ZNF814: variants seen among roughly 807,000 people sequenced by gnomAD.
ZNF814 encodes zinc finger protein 814.
In ZNF814, 5 loss-of-function variants were observed where a neutral mutation model predicts 7.5. That is an observed-to-expected ratio of 0.67 (90% confidence interval 0.35 to 1.40). The LOEUF is 1.40. ZNF814 is among the 40% of genes most tolerant of loss of function. ZNF814 has a pLI of 0.04. For synonymous variants in ZNF814, 315 were observed against 340.7 expected, an observed-to-expected ratio of 0.92 and a Z score of 0.83; for missense variants, 962 against 1,018.0, an observed-to-expected ratio of 0.94 and a Z score of 0.75.
chr19:57,874,211 A>T lies in ZNF814; in HGVS notation c.1179T>A (p.Ala393=), dbSNP rs778822905. The change falls in exon 3 of 3, where the codon GCT becomes GCA. Residue 393 remains alanine, a synonymous_variant. Transcript: ENST00000435989. ...GAACTCTCTGATGATTACTGAAGCT[A>T]GCATATTTGCTAAACGATTTCCCAC... The part of the protein sequence containing the change: ...GECGKSFSKY[A]SFSNHQRVHT... 6.3e-7 allele frequency: 1 copy of T among 1,575,034 alleles called. No homozygotes were observed. The highest frequency in any genetic ancestry group is 8.6e-7 in the Non-Finnish European group (1 of 1,160,496).
chr19:57,885,395 C>A (rs1350596404), intron 1 of ZNF814, among the ~76,000 whole-genome samples: 1 of 150,878 alleles, frequency 6.6e-6, no homozygotes, highest in African/African-American at 2.4e-5. Flanking sequence ...CTTCGGGAGG[C>A]TGAGGTGGGT....
chr19:57,875,515 C>T (rs931343007), intron 2 of ZNF814, among the ~76,000 whole-genome samples: 4 of 152,204 alleles, frequency 2.6e-5, no homozygotes, highest in African/African-American at 7.2e-5. Context: ...GAATTTATGT[C>T]CTCATGACAT....
chr19:57,900,839 A>ATTTGTTTTTTTTTTTTTTTTT, the ZNF814 span, among the ~76,000 whole-genome samples: 1 of 45,782 alleles, frequency 2.2e-5, no homozygotes, highest in Non-Finnish European at 3.8e-5. Flanking sequence ...CCATGGCTGC[A>ATTTGTTTTTTTTTTTTTTTTT]TTTTTTTTTT....
chr19:57,904,116 A>G, the ZNF814 span, among the ~76,000 whole-genome samples: 1 of 152,120 alleles, frequency 6.6e-6, no homozygotes, highest in South Asian at 2.1e-4. Context: ...GGCCCCTTGC[A>G]CTTTGTTCTC....
chr19:57,875,334 G>C, intron 2 of ZNF814, 108 bp from the exon 3 acceptor site: 1 of 1,608,142 alleles, frequency 6.2e-7, no homozygotes, highest in South Asian at 1.1e-5. Flanking sequence ...GGAACTACTT[G>C]GAGGAACAGG....
chr19:57,891,155 A>G (rs991547943), upstream of ZNF814, among the ~76,000 whole-genome samples: 1 of 152,228 alleles, frequency 6.6e-6, no homozygotes, highest in Non-Finnish European at 1.5e-5. Context: ...TACAAATGCC[A>G]TGGCAACATC....
At chr19:57,877,568 G>A (rs773169387) in intron 1 of ZNF814, among the ~76,000 whole-genome samples, 4 of 151,810 alleles carry the variant, frequency 2.6e-5, no homozygotes, top group Non-Finnish European at 2.9e-5. Context: ...TCAGCCTCCC[G>A]AGCAGCTGGG....
rs186190562 is a variant in ZNF814, at chr19:57,871,446, G to T, written c.*1376C>A. 1 of 152,294 alleles carries T rather than the reference G, an allele frequency of 6.6e-6. No individual in the cohort carries two copies. The highest frequency in any genetic ancestry group is 2.4e-5 in the African/African-American group (1 of 41,542). The allele number at this position is 152,294 out of a possible 1,614,324, so 9.4% of individuals were successfully genotyped here. A position where few individuals can be genotyped will look rare whatever the true frequency, so the allele number is the denominator to read the frequency against. ...ACAAAGTTTAGCTATGCCAACAAAA[G>T]CTGTGACCCCCTTCATAGTAACAGG... is the stretch of plus-strand genomic sequence containing the variant. On this transcript the variant is annotated 3_prime_UTR_variant, in exon 3 of 3. Transcript: ENST00000435989.
chr19:57,891,263 C>T (rs1009049874), upstream of ZNF814, among the ~76,000 whole-genome samples: 7 of 152,160 alleles, frequency 4.6e-5, no homozygotes, highest in African/African-American at 7.2e-5. Context: ...CGGTGGCTCA[C>T]GCCTGTAATC....
intron 2 of ZNF814, among the ~76,000 whole-genome samples, chr19:57,875,689 T>C (rs2071600505): frequency 6.6e-6 from 1 of 152,056 alleles, no homozygotes; most frequent in Non-Finnish European, 1.5e-5. Context: ...ATGGATGAGA[T>C]CTGGGGCCCA....
At chr19:57,884,167 C>T (rs999744646) in intron 1 of ZNF814, among the ~76,000 whole-genome samples, 1 of 152,122 alleles carries the variant, frequency 6.6e-6, no homozygotes, top group Non-Finnish European at 1.5e-5. Flanking sequence ...AAACAATCAA[C>T]AAAGTGAAGA....
At chr19:57,876,862 G>T (rs2071610818) in intron 2 of ZNF814, 54 bp downstream of exon 2, 2 of 1,605,856 alleles carry the variant, frequency 1.2e-6, no homozygotes, top group Admixed American at 3.4e-5. Flanking sequence ...AATGGGGAAA[G>T]ATAGGGGAAA....
At chr19:57,887,930 G>A (rs1207623914) in intron 1 of ZNF814, among the ~76,000 whole-genome samples, 2 of 152,154 alleles carry the variant, frequency 1.3e-5, no homozygotes, top group African/African-American at 4.8e-5. Flanking sequence ...TTGTTTCTCT[G>A]TAACCATTTA....
the ZNF814 span, chr19:57,901,829 T>C: frequency 2.0e-5 from 8 of 398,180 alleles, no homozygotes; most frequent in East Asian, 2.9e-4. Context: ...ATTTTACTTA[T>C]TGGACTTATG....
chr19:57,898,661 C>T, the ZNF814 span, among the ~76,000 whole-genome samples: 6 of 152,202 alleles, frequency 3.9e-5, no homozygotes, highest in Non-Finnish European at 7.3e-5. Flanking sequence ...AGAAAAAAAT[C>T]AGACGGACGC....
intron 1 of ZNF814, among the ~76,000 whole-genome samples, chr19:57,878,153 CAA>C (rs2071621886): frequency 1.2e-5 from 1 of 80,814 alleles, no homozygotes; most frequent in South Asian, 3.9e-4. Flanking sequence ...GCAACAAGAG[CAA>C]AACTCTGTCT....
At chr19:57,883,251 G>A (rs1443125890) in intron 1 of ZNF814, among the ~76,000 whole-genome samples, 8 of 151,988 alleles carry the variant, frequency 5.3e-5, no homozygotes, top group Admixed American at 2.6e-4. Context: ...CCAGCTACAC[G>A]GGAGGCTGAG....
chr19:57,873,160 A>G lies in ZNF814; in HGVS notation c.2230T>C (p.Tyr744His), dbSNP rs2071571388. 6.2e-7 allele frequency: 1 copy of G among 1,613,688 alleles called. No homozygotes were observed. Among genetic ancestry groups the G allele is most frequent in the Non-Finnish European group, 8.5e-7 (1 of 1,179,948 alleles). ...GATTTTCCACAATCATTGCATTCAT[A>G]AGGCCTTTCTCCAGTGTGAACTCTC... Reference protein sequence around the residue: ...HQRVHTGERPYECNDCGKSFT... With the variant: ...HQRVHTGERPHECNDCGKSFT... The change falls in exon 3 of 3, where the codon TAT becomes CAT. Residue 744 changes from tyrosine to histidine, a missense_variant. By Grantham distance (83) the Tyr-to-His change is moderately conservative. Coordinates refer to ENST00000435989, the MANE Select transcript of ZNF814 (RefSeq NM_001144989.2).
intron 1 of ZNF814, among the ~76,000 whole-genome samples, chr19:57,883,620 C>T (rs1445372364): frequency 6.7e-6 from 1 of 149,980 alleles, no homozygotes; most frequent in Non-Finnish European, 1.5e-5. Context: ...GAGATCGCAC[C>T]ACTGCACTGC....
Sources: allele counts gnomAD v4.1 joint callset (sites outside exome capture counted in the v4.1 genomes callset), GRCh38; gene constraint gnomAD v4.1.1; transcripts MANE v1.5; gene names NCBI Gene and HGNC (gene_info 2026-07-23, HGNC 2026-07-21).